Variants in ERC2 observed in about 807,000 individuals in gnomAD.
ERC2 encodes ELKS/RAB6-interacting/CAST family member 2, also known as ERC protein 2.
ERC2 carries 42 observed loss-of-function variants against 114.8 expected under a neutral mutation model. That is an observed-to-expected ratio of 0.37 (90% CI 0.29 to 0.47). ERC2 has a LOEUF of 0.47. ERC2 is among the 20% of genes least tolerant of loss of function. The pLI is 0.99. For missense variants in ERC2, 939 were observed against 1,150.7 expected (o/e 0.82, Z 2.66); for synonymous variants, 454 against 425.5 (o/e 1.07, Z -0.82).
intron 14 of ERC2, among the ~76,000 whole-genome samples, chr3:55,802,962 G>A (rs373235961): frequency 2.6e-5 from 4 of 152,150 alleles, no homozygotes; most frequent in African/African-American, 7.2e-5. Context: ...GCTATTGACC[G>A]TATATCATTA....
chr3:55,886,370 G>T (rs1576023245), intron 14 of ERC2, among the ~76,000 whole-genome samples: 1 of 152,290 alleles, frequency 6.6e-6, no homozygotes, highest in East Asian at 1.9e-4. Context: ...AATCCAAAAT[G>T]AAGGTGGAAG....
At chr3:55,795,127 A>G (rs1450183422) in intron 14 of ERC2, among the ~76,000 whole-genome samples, 2 of 152,204 alleles carry the variant, frequency 1.3e-5, no homozygotes, top group East Asian at 3.9e-4. Context: ...AAAAAAAAGT[A>G]CATTAACGTT....
At chr3:56,173,163 C>T (rs1255092595) in intron 4 of ERC2, among the ~76,000 whole-genome samples, 2 of 152,122 alleles carry the variant, frequency 1.3e-5, no homozygotes, top group Non-Finnish European at 2.9e-5. Flanking sequence ...TTTTAAAACA[C>T]ACATAAAACC....
chr3:56,427,952 C>T (rs776314056), intron 2 of ERC2, among the ~76,000 whole-genome samples: 35 of 152,108 alleles, frequency 2.3e-4, no homozygotes, highest in Non-Finnish European at 4.7e-4. Flanking sequence ...TTGGGTGTTA[C>T]CATGGACTGA....
chr3:55,595,444 G>A (rs772485936), intron 17 of ERC2, among the ~76,000 whole-genome samples: 7 of 152,178 alleles, frequency 4.6e-5, no homozygotes, highest in African/African-American at 1.4e-4. Flanking sequence ...ACCCTTTTGG[G>A]AGACGGTCAG....
intron 14 of ERC2, among the ~76,000 whole-genome samples, chr3:55,838,518 C>T (rs2060996330): frequency 6.6e-6 from 1 of 151,670 alleles, no homozygotes. Flanking sequence ...AATGAAAACA[C>T]AACATATTAA....
chr3:55,582,119 AAAC>A (rs2057293287), intron 17 of ERC2, among the ~76,000 whole-genome samples: 1 of 152,070 alleles, frequency 6.6e-6, no homozygotes, highest in African/African-American at 2.4e-5. Flanking sequence ...GTCTCAGCTA[AAAC>A]AACATGTCCC....
At chr3:55,929,258 C>T (rs529615254) in intron 13 of ERC2, among the ~76,000 whole-genome samples, 13 of 152,286 alleles carry the variant, frequency 8.5e-5, no homozygotes, top group Admixed American at 2.6e-4. Flanking sequence ...CCTAAAACTT[C>T]CTGCTCAGCA....
At chr3:55,870,587 TAGG>T in intron 14 of ERC2, among the ~76,000 whole-genome samples, 1 of 152,216 alleles carries the variant, frequency 6.6e-6, no homozygotes, top group Non-Finnish European at 1.5e-5. Flanking sequence ...AGAGCAGGTG[TAGG>T]GCCAAGATTC....
At chr3:55,607,616 T>G (rs771291826) in intron 17 of ERC2, among the ~76,000 whole-genome samples, 31 of 80,250 alleles carry the variant, frequency 3.9e-4, no homozygotes, top group South Asian at 2.9e-3. Flanking sequence ...AATAGTGTGT[T>G]TTTTTTTTTT....
At chr3:56,442,571 A>C (rs1314267046) in intron 1 of ERC2, among the ~76,000 whole-genome samples, 1 of 152,152 alleles carries the variant, frequency 6.6e-6, no homozygotes, top group African/African-American at 2.4e-5. Flanking sequence ...TCGGCTTTAG[A>C]CCAGTACTTC....
intron 14 of ERC2, among the ~76,000 whole-genome samples, chr3:55,773,791 C>T (rs561144936): frequency 6.6e-5 from 10 of 152,272 alleles, no homozygotes; most frequent in Non-Finnish European, 8.8e-5. Flanking sequence ...GAAGTATCCT[C>T]GCCTTCTTGC....
chr3:56,467,792 G>A (rs960169587), intron 1 of ERC2, among the ~76,000 whole-genome samples: 1 of 150,858 alleles, frequency 6.6e-6, no homozygotes, highest in Non-Finnish European at 1.5e-5. Context: ...CCCCGGGCGG[G>A]GGCTCCACCT....
intron 2 of ERC2, among the ~76,000 whole-genome samples, chr3:56,395,282 T>C (rs369013846): frequency 6.6e-6 from 1 of 152,232 alleles, no homozygotes; most frequent in Non-Finnish European, 1.5e-5. Context: ...TTCCTTGATA[T>C]GTGAATTACA....
intron 12 of ERC2, among the ~76,000 whole-genome samples, chr3:55,978,202 T>C (rs2069751467): frequency 6.6e-6 from 1 of 152,178 alleles, no homozygotes; most frequent in Non-Finnish European, 1.5e-5. Flanking sequence ...TATACATGAA[T>C]ACAGAAAGGC....
At chr3:55,992,311 C>T in intron 10 of ERC2, 61 bp from the exon 11 acceptor site, 2 of 1,410,884 alleles carry the variant, frequency 1.4e-6, no homozygotes, top group Non-Finnish European at 2.0e-6. Context: ...ATAGACAGTG[C>T]TGTCACCAAT....
chr3:55,997,880 G>GTTTGTTTTTTTTTTTTT (rs1559996207), intron 10 of ERC2, among the ~76,000 whole-genome samples: 1 of 44,788 alleles, frequency 2.2e-5, no homozygotes, highest in Non-Finnish European at 4.0e-5. Context: ...TCTTAATTCT[G>GTTTGTTTTTTTTTTTTT]TTTTTTTTTT....
chr3:56,393,582 G>A (rs2060202692), intron 2 of ERC2, among the ~76,000 whole-genome samples: 1 of 152,110 alleles, frequency 6.6e-6, no homozygotes, highest in Admixed American at 6.6e-5. Context: ...TATCATGCTA[G>A]ACAATTAGCT....
chr3:56,159,927 G>A (rs1486064518), intron 4 of ERC2, among the ~76,000 whole-genome samples: 3 of 152,164 alleles, frequency 2.0e-5, no homozygotes, highest in Admixed American at 6.6e-5. Flanking sequence ...CACCTAGGTT[G>A]ATTGCATGTC....
Sources: gnomAD v4.1 joint callset for allele counts (sites outside exome capture counted in the v4.1 genomes callset) on GRCh38, gnomAD v4.1.1 for gene constraint, MANE v1.5 for transcripts, NCBI Gene and HGNC (gene_info 2026-07-23, HGNC 2026-07-21) for gene names.